Variants in HPS4 observed in about 807,000 individuals in gnomAD.
HPS4 encodes the protein HPS4 biogenesis of lysosomal organelles complex 3 subunit 2.
HPS4 carries 44 observed loss-of-function variants against 70.3 expected under a neutral mutation model. The ratio of observed to expected loss-of-function variants is 0.63; its 90% CI spans 0.49 to 0.80. HPS4 has a LOEUF of 0.80. HPS4 is among the 30% of genes least tolerant of loss of function. HPS4 has a pLI of 0.00. For missense variants in HPS4, 873 were observed against 884.4 expected (o/e 0.99, Z 0.16); for synonymous variants, 377 against 355.9 (o/e 1.06, Z -0.67).
rs75415358 is a variant in HPS4 at position 26,476,823 on chromosome 22, G to A, written c.276+170C>T. The A allele has an allele frequency of 1.6e-5, 11 of 689,622 alleles. No homozygotes were observed. The African/African-American group carries it at 1.8e-4, about 11-fold the overall frequency. 42.7% of individuals were successfully genotyped at this position (689,622 alleles called of 1,614,324 possible). On this transcript the variant is annotated intron_variant, in intron 4 of 13. Transcript: ENST00000398145. ...GTTAGAAATGTTTTGGAAAGCACTT[G>A]ATGATGAAAACCTGCAGAGAGTACC...
At chr22:26,456,521 T>G (rs2086165808) in intron 13 of HPS4, among the ~76,000 whole-genome samples, 1 of 152,202 alleles carries the variant, frequency 6.6e-6, no homozygotes, top group Non-Finnish European at 1.5e-5. Flanking sequence ...TAGCTGGGCA[T>G]GGTGGCAGGT....
rs2087964013 is a variant in HPS4, at chr22:26,464,220, T to A, written c.1410A>T (p.Leu470Phe). 1 of 1,614,062 alleles carries A rather than the reference T, an allele frequency of 6.2e-7. No homozygotes were observed. Among genetic ancestry groups the A allele is most frequent in the Non-Finnish European group, 8.5e-7 (1 of 1,180,030 alleles). The change falls in exon 11 of 14, where the codon TTA becomes TTT. Residue 470 changes from leucine to phenylalanine, a missense_variant. Transcript: ENST00000398145. ...PLPRRTRRPL[L>F]LPRLDPGQRG... The stretch of plus-strand genomic sequence containing the variant: ...TCTGTCCTGGATCTAAGCGAGGCAA[T>A]AACAAGGGCCTGCGGGTCCTTCTGG...
chr22:26,474,041 T>C (rs534590499), intron 4 of HPS4, among the ~76,000 whole-genome samples: 7 of 152,320 alleles, frequency 4.6e-5, no homozygotes, highest in Non-Finnish European at 8.8e-5. Context: ...CTGAATGCAA[T>C]TGCAATCATA....
chr22:26,446,926 A>G (rs2084973518), downstream of HPS4, among the ~76,000 whole-genome samples: 2 of 152,134 alleles, frequency 1.3e-5, no homozygotes, highest in South Asian at 4.1e-4. Context: ...CAGTTTCACT[A>G]TGTTGGCCAG....
intron 2 of HPS4, among the ~76,000 whole-genome samples, chr22:26,481,455 G>A (rs1472282235): frequency 6.6e-6 from 1 of 152,084 alleles, no homozygotes; most frequent in East Asian, 1.9e-4. Context: ...ATCAAAGCTC[G>A]CTGCATGATC....
rs775916508 is a variant in HPS4 at position 26,464,034 on chromosome 22, T to C, written c.1596A>G (p.Ala532=). ...TCCTCACGAGCCCCATGCAGGACTC[T>C]GCTGGTGTCAGCCTGGAGCTGATTC... ...ADGISSRLTP[A]ESCMGLVRMN... The change falls in exon 11 of 14, where the codon GCA becomes GCG. Residue 532 remains alanine, a synonymous_variant. Transcript: ENST00000398145. 5 of 1,614,278 alleles carry C rather than the reference T, an allele frequency of 3.1e-6. No individual in the cohort carries two copies. The highest frequency in any genetic ancestry group is 2.2e-5 in the South Asian group (2 of 91,088).
At chr22:26,455,708 C>T (rs1261949815) in intron 13 of HPS4, among the ~76,000 whole-genome samples, 5 of 150,980 alleles carry the variant, frequency 3.3e-5, no homozygotes, top group African/African-American at 1.2e-4. Context: ...TTGTGCACAG[C>T]ACATGTACCC....
downstream of HPS4, among the ~76,000 whole-genome samples, chr22:26,450,208 G>C (rs1405545770): frequency 1.3e-5 from 2 of 152,158 alleles, no homozygotes; most frequent in African/African-American, 2.4e-5. Context: ...CTGGGGATTG[G>C]GACCTGATCT....
intron 13 of HPS4, among the ~76,000 whole-genome samples, chr22:26,456,370 T>C (rs1199525303): frequency 1.3e-5 from 2 of 152,232 alleles, no homozygotes; most frequent in Non-Finnish European, 2.9e-5. Context: ...ATTTAAAAAA[T>C]GCCCTTGAAG....
rs185016981 is a variant in HPS4, at chr22:26,480,179, G to C, written c.42-824C>G. Among the ~76,000 whole-genome samples the C allele has an allele frequency of 2.8e-3, 433 of 152,230 alleles. 3 individuals carry two copies. Among genetic ancestry groups the C allele is most frequent in the African/African-American group, 9.8e-3 (406 of 41,544 alleles). On this transcript the variant is annotated intron_variant, in intron 2 of 13. Coordinates refer to ENST00000398145, the MANE Select transcript of HPS4 (RefSeq NM_022081.6). ...ACCTCAAAGGCCAGGCCTCAATTTT[G>C]TTTTGTTTTTACAGGGTCTCACTTT...
At chr22:26,453,620 G>C (rs770100093) in intron 13 of HPS4, 19 of 604,370 alleles carry the variant, frequency 3.1e-5, no homozygotes, top group South Asian at 2.4e-4. Context: ...TGCTGGAAGA[G>C]TCCGTGGCGG....
At chr22:26,460,050 T>C (rs1365733342) in intron 11 of HPS4, among the ~76,000 whole-genome samples, 1 of 152,256 alleles carries the variant, frequency 6.6e-6, no homozygotes, top group Admixed American at 6.5e-5. Flanking sequence ...TTTTCCTGTA[T>C]GAAAGTCTCA....
intron 8 of HPS4, chr22:26,466,574 T>C: frequency 2.0e-6 from 1 of 499,422 alleles, no homozygotes; most frequent in Non-Finnish European, 3.6e-6. Context: ...TGAGGATTCC[T>C]GTTCTCTTTT....
chr22:26,470,623 CAG>C, intron 7 of HPS4, 94 bp downstream of exon 7: 2 of 1,253,722 alleles, frequency 1.6e-6, no homozygotes, highest in Admixed American at 1.8e-5. Context: ...TGGAACTGGC[CAG>C]AGACTGGGCT....
chr22:26,445,742 G>C (rs2084932069), intron 3 of HPS4, among the ~76,000 whole-genome samples: 1 of 152,170 alleles, frequency 6.6e-6, no homozygotes, highest in Non-Finnish European at 1.5e-5. Flanking sequence ...CAGGTGAAGA[G>C]GAAGGCCGCC....
At chr22:26,466,450 G>T in intron 8 of HPS4, 188 bp from the exon 9 acceptor site, 1 of 699,722 alleles carries the variant, frequency 1.4e-6, no homozygotes, top group Non-Finnish European at 2.5e-6. Context: ...CACTATGGCT[G>T]GGATGAAGCA....
intron 13 of HPS4, among the ~76,000 whole-genome samples, chr22:26,456,268 T>C (rs1174453552): frequency 6.6e-6 from 1 of 152,174 alleles, no homozygotes; most frequent in East Asian, 1.9e-4. Flanking sequence ...AGAAAATGCT[T>C]CAAATCCTGG....
At chr22:26,453,967 G>A (rs2085642203) in intron 13 of HPS4, 2 of 164,028 alleles carry the variant, frequency 1.2e-5, no homozygotes, top group Admixed American at 1.1e-4. Context: ...CGAAGTGACA[G>A]GAAGCCTGTG....
Position 26,482,407 on chromosome 22 carries a change from T to A in HPS4, c.-478-167A>T, listed in dbSNP as rs572556791. Among the ~76,000 whole-genome samples the A allele has an allele frequency of 2.6e-5, 4 of 152,328 alleles. No homozygotes were observed. In the South Asian group the frequency reaches 8.3e-4, roughly 32 times the overall value. ...GAGACTTCAGAGTAAGGGCTTTAGTTTCTCGAACAGTTAAGGGAAACACAC... is the reference window on the plus strand; with the variant it reads ...GAGACTTCAGAGTAAGGGCTTTAGTATCTCGAACAGTTAAGGGAAACACAC... On this transcript the variant is annotated intron_variant, in intron 1 of 13. Coordinates refer to ENST00000398145, the MANE Select transcript of HPS4 (RefSeq NM_022081.6).
Sources: gnomAD v4.1 joint callset for allele counts (sites outside exome capture counted in the v4.1 genomes callset) on GRCh38, gnomAD v4.1.1 for gene constraint, MANE v1.5 for transcripts, NCBI Gene and HGNC (gene_info 2026-07-23, HGNC 2026-07-21) for gene names.